The following ARHGAP36 variants were observed in gnomAD, a reference collection of about 807,000 sequenced individuals.
ARHGAP36 encodes the protein rho GTPase-activating protein 36.
A neutral mutation model predicts 32.9 loss-of-function variants in ARHGAP36; 7 were observed. The ratio of observed to expected loss-of-function variants is 0.21; its 90% CI spans 0.12 to 0.40. The LOEUF (loss-of-function observed/expected upper bound fraction) is 0.40, where lower values mean the gene tolerates loss of function less well. Ranked by LOEUF, ARHGAP36 falls within the 10% of genes least tolerant of loss-of-function variation. The pLI, the probability that ARHGAP36 is intolerant of heterozygous loss-of-function variation, is 1.00. For synonymous variants in ARHGAP36, 165 were observed against 168.3 expected, an observed-to-expected ratio of 0.98 and a Z score of 0.15; for missense variants, 383 against 442.2, an observed-to-expected ratio of 0.87 and a Z score of 1.20.
chrX:131,062,495 T>A (rs997129319), intron 1 of ARHGAP36, among the ~76,000 whole-genome samples: 1 of 111,506 alleles, frequency 9.0e-6, no homozygotes, highest in Non-Finnish European at 1.9e-5. Context: ...ATCTTCCCAA[T>A]GATCATGAAA....
At chrX:131,073,587 C>G (rs1007063167) in intron 1 of ARHGAP36, among the ~76,000 whole-genome samples, 5 of 112,841 alleles carry the variant, frequency 4.4e-5, no homozygotes, top group African/African-American at 1.6e-4. Flanking sequence ...CCCTGTGTCC[C>G]GGAGTTAGCT....
chrX:131,070,671 G>A (rs748102218), intron 1 of ARHGAP36, among the ~76,000 whole-genome samples: 5 of 111,409 alleles, frequency 4.5e-5, no homozygotes, highest in African/African-American at 3.3e-5. Context: ...CCTCTCCACG[G>A]TATTATTGGA....
At chrX:131,079,902 C>T (rs760939005) in intron 1 of ARHGAP36, among the ~76,000 whole-genome samples, 1 of 111,976 alleles carries the variant, frequency 8.9e-6, no homozygotes, top group South Asian at 3.7e-4. Context: ...TAAGCCCTGT[C>T]AGTTCCATCC....
intron 1 of ARHGAP36, among the ~76,000 whole-genome samples, chrX:131,075,130 C>A (rs1396308712): frequency 8.9e-6 from 1 of 112,003 alleles, no homozygotes; most frequent in Non-Finnish European, 1.9e-5. Context: ...AGTTTGGCTC[C>A]CAGGTATTTT....
chrX:131,082,051 C>G, intron 2 of ARHGAP36, 133 bp downstream of exon 2: 1 of 832,908 alleles, frequency 1.2e-6, no homozygotes, highest in South Asian at 2.7e-5. Context: ...GTTCTCCTGG[C>G]GTCTGGGGAA....
chrX:131,081,503 G>GT, intron 1 of ARHGAP36, 21 bp from the exon 2 acceptor site: 1 of 1,039,081 alleles, frequency 9.6e-7, no homozygotes, highest in Non-Finnish European at 1.2e-6. Flanking sequence ...TTTGAAGTTG[G>GT]ATTTTTTTTT....
At chrX:131,078,862 C>A in intron 1 of ARHGAP36, 3 of 520,885 alleles carry the variant, frequency 5.8e-6, no homozygotes, top group Non-Finnish European at 8.5e-6. Flanking sequence ...ATTCTAAGGC[C>A]TTTGATTTCC....
chrX:131,073,772 G>A (rs2079745107), intron 1 of ARHGAP36, among the ~76,000 whole-genome samples: 1 of 111,685 alleles, frequency 9.0e-6, no homozygotes. Context: ...CTGACTCCTG[G>A]TCTAGGGATT....
rs777932916 is a variant in ARHGAP36, at chrX:131,085,669, G to A, written c.1037G>A (p.Arg346His). The change falls in exon 8 of 12, where the codon CGT becomes CAT. Residue 346 changes from arginine (R) to histidine (H), a missense_variant. Transcript: ENST00000276211. ...CCCTGCCACAGTGATACCCTGGAGCGTCTGCTGAAGGCCCTGCATAAAATC... is the reference window on the plus strand; with the variant it reads ...CCCTGCCACAGTGATACCCTGGAGCATCTGCTGAAGGCCCTGCATAAAATC... ...MPPCHSDTLERLLKALHKITE... is the reference protein window; with the variant it reads ...MPPCHSDTLEHLLKALHKITE... The A allele has an allele frequency of 9.1e-6, 11 of 1,209,610 alleles. No individual in the cohort carries two copies. The highest frequency in any genetic ancestry group is 5.9e-5 in the East Asian group (2 of 33,791).
chrX:131,087,358 G>C (rs2079840868), intron 11 of ARHGAP36, among the ~76,000 whole-genome samples: 1 of 111,561 alleles, frequency 9.0e-6, no homozygotes, highest in African/African-American at 3.3e-5. Context: ...AGAGGTAAAT[G>C]GGATTTCAGA....
intron 1 of ARHGAP36, 107 bp downstream of exon 1, chrX:131,058,551 T>C: frequency 1.4e-6 from 1 of 690,694 alleles, no homozygotes; most frequent in Admixed American, 5.8e-5. Flanking sequence ...CCCCCTTGCC[T>C]CCCTTCCTGC....
chrX:131,083,056 C>T, intron 2 of ARHGAP36, 109 bp from the exon 3 acceptor site: 1 of 771,334 alleles, frequency 1.3e-6, no homozygotes, highest in South Asian at 2.9e-5. Flanking sequence ...GGGCAGAGCT[C>T]GCCTCTCTGC....
intron 1 of ARHGAP36, among the ~76,000 whole-genome samples, chrX:131,077,138 G>C (rs969858229): frequency 8.0e-5 from 9 of 112,644 alleles, no homozygotes; most frequent in African/African-American, 2.9e-4. Context: ...ATAAGCTAAT[G>C]TGTCAGCAGA....
chrX:131,084,627 C>T lies in ARHGAP36; in HGVS notation c.750C>T (p.Gly250=), dbSNP rs2079824395. The T allele has an allele frequency of 8.3e-7, 1 of 1,211,488 alleles. No homozygotes were observed. The highest frequency in any genetic ancestry group is 2.2e-5 in the Admixed American group (1 of 46,084). ...GCATCCCCTGGTCTTTTCTTTCAGG[C>T]TTAAGCGCAGTGGGGATTTTTACCC... The part of the protein sequence containing the change: ...EACCQFIEKH[G]LSAVGIFTLE... The change falls in exon 6 of 12, where the codon GGC becomes GGT. Residue 250 remains glycine (G), a splice_region_variant and synonymous_variant. Transcript: ENST00000276211.
At chrX:131,078,168 C>T (rs187756700) in intron 1 of ARHGAP36, among the ~76,000 whole-genome samples, 1 of 111,176 alleles carries the variant, frequency 9.0e-6, no homozygotes, top group African/African-American at 3.3e-5. Flanking sequence ...TTATTAAAAA[C>T]CAATGCTAAA....
intron 11 of ARHGAP36, among the ~76,000 whole-genome samples, chrX:131,087,156 T>C (rs1311795381): frequency 2.7e-5 from 3 of 111,482 alleles, no homozygotes; most frequent in African/African-American, 9.8e-5. Flanking sequence ...ACCACCAAAA[T>C]CTTAACCTTG....
chrX:131,086,430 A>G lies in ARHGAP36; in HGVS notation c.1379+4A>G, dbSNP rs1202311201. The stretch of plus-strand genomic sequence containing the variant: ...GCAGGAACTTGAGGAAGATCCAGTG[A>G]GTGTTTTTTGGGTTTGTTTATGCTT... On this transcript the variant is annotated splice_donor_region_variant and intron_variant, in intron 10 of 11. Transcript: ENST00000276211. 4 of 1,209,529 alleles carry G rather than the reference A, an allele frequency of 3.3e-6. No homozygotes were observed. The highest frequency in any genetic ancestry group is 2.2e-5 in the Admixed American group (1 of 45,813).
At chrX:131,073,370 A>C (rs1188376315) in intron 1 of ARHGAP36, among the ~76,000 whole-genome samples, 1 of 111,249 alleles carries the variant, frequency 9.0e-6, no homozygotes, top group African/African-American at 3.3e-5. Flanking sequence ...CCAGAGACCC[A>C]GGGCAACCCC....
intron 1 of ARHGAP36, chrX:131,078,607 C>T (rs1215565018): frequency 7.4e-6 from 3 of 405,582 alleles, no homozygotes; most frequent in Non-Finnish European, 1.1e-5. Context: ...TCTCAAGATC[C>T]TGTTATGTGC....
Sources: gnomAD v4.1 joint callset for allele counts (sites outside exome capture counted in the v4.1 genomes callset) on GRCh38, gnomAD v4.1.1 for gene constraint, MANE v1.5 for transcripts, NCBI Gene and HGNC (gene_info 2026-07-23, HGNC 2026-07-21) for gene names.